RAP1A: variants seen among roughly 807,000 people sequenced by gnomAD.
The protein encoded by RAP1A is RAP1A, member of RAS oncogene family.
Under a neutral mutation model 26.4 loss-of-function variants are expected in RAP1A, and 6 were observed. That is an observed-to-expected ratio of 0.23 (90% confidence interval 0.12 to 0.45). The LOEUF is 0.45. RAP1A is among the 20% of genes least tolerant of loss of function. The pLI is 0.99. For missense variants in RAP1A, 121 were observed against 217.2 expected (o/e 0.56, Z 2.78); for synonymous variants, 73 against 79.4 (o/e 0.92, Z 0.43).
rs994763442 is a variant in RAP1A, at chr1:111,593,652, C to CTTTTTTT, written c.-28+51164_-28+51170dup. ...CTGGCAGCTTAAGTTATGACTCCTA[C>CTTTTTTT]TTTTTTTTTTTTTTTTTTTTTTTTT... On this transcript the variant is annotated intron_variant, in intron 1 of 7. Transcript: ENST00000356415. Among the ~76,000 whole-genome samples the CTTTTTTT allele has an allele frequency of 7.9e-3, 515 of 65,388 alleles. 60 individuals are homozygous for CTTTTTTT. Among genetic ancestry groups the CTTTTTTT allele is most frequent in the East Asian group, 0.032 (52 of 1,642 alleles). The allele number at this position is 65,388 out of a possible 152,430, so 42.9% of individuals were successfully genotyped here.
intron 1 of RAP1A, among the ~76,000 whole-genome samples, chr1:111,565,614 G>A (rs1172788144): frequency 1.3e-5 from 2 of 152,144 alleles, no homozygotes; most frequent in East Asian, 1.9e-4. Flanking sequence ...TATGGCTGGG[G>A]AACCAAATGT....
At chr1:111,600,192 A>AAT (rs1431616406) in intron 1 of RAP1A, 2 of 152,210 alleles carry the variant, frequency 1.3e-5, no homozygotes, top group Non-Finnish European at 2.9e-5. Flanking sequence ...ACAAAGACCA[A>AAT]ATATGTGTTT....
intron 2 of RAP1A, among the ~76,000 whole-genome samples, chr1:111,692,314 T>C (rs577374811): frequency 1.3e-5 from 2 of 152,262 alleles, no homozygotes; most frequent in South Asian, 4.1e-4. Flanking sequence ...AATTTTATGT[T>C]TGTGACATGT....
chr1:111,607,507 G>T (rs989434527), intron 1 of RAP1A, among the ~76,000 whole-genome samples: 1 of 152,156 alleles, frequency 6.6e-6, no homozygotes, highest in East Asian at 1.9e-4. Context: ...ATCATGGCCC[G>T]TTCTCAATGA....
At chr1:111,610,252 CT>C (rs1297413228) in intron 1 of RAP1A, among the ~76,000 whole-genome samples, 1 of 152,124 alleles carries the variant, frequency 6.6e-6, no homozygotes, top group Non-Finnish European at 1.5e-5. Context: ...TATTTTTCCC[CT>C]AATACAGTCT....
chr1:111,590,760 A>T (rs1193354368), intron 1 of RAP1A, among the ~76,000 whole-genome samples: 1 of 152,122 alleles, frequency 6.6e-6, no homozygotes, highest in Non-Finnish European at 1.5e-5. Flanking sequence ...ATAAGCCCAA[A>T]GGGATCACAA....
chr1:111,570,329 G>A lies in RAP1A; in HGVS notation c.-28+27820G>A, dbSNP rs114878115. 5.2e-3 allele frequency among the ~76,000 whole-genome samples: 786 copies of A among 152,308 alleles called. 9 individuals are homozygous for A. The highest frequency in any genetic ancestry group is 0.018 in the African/African-American group (738 of 41,570). On this transcript the variant is annotated intron_variant, in intron 1 of 7. Transcript: ENST00000356415. Reference sequence around the variant, plus strand: ...ATTTCAAGGTCAAACCAAGGTTGAAGGTTGGGCACCTATCAAAATGGCTTT... The same window carrying A: ...ATTTCAAGGTCAAACCAAGGTTGAAAGTTGGGCACCTATCAAAATGGCTTT...
At chr1:111,542,085 CTTTTT>C (rs35807618), upstream of RAP1A, 2 of 167,514 alleles carry the variant, frequency 1.2e-5, no homozygotes, top group Non-Finnish European at 1.3e-5. Context: ...TGCAAAGAAG[CTTTTT>C]TTTTTTTTTT....
intron 1 of RAP1A, among the ~76,000 whole-genome samples, chr1:111,578,191 T>C (rs1440913365): frequency 1.3e-5 from 2 of 152,042 alleles, no homozygotes; most frequent in African/African-American, 2.4e-5. Context: ...GTGTTGTGTG[T>C]GGGCACTCGG....
intron 1 of RAP1A, among the ~76,000 whole-genome samples, chr1:111,605,355 T>C (rs1293498959): frequency 1.3e-5 from 2 of 152,218 alleles, no homozygotes. Flanking sequence ...CAGGGCCTAA[T>C]GGTCTCAAAA....
At chr1:111,673,688 G>C (rs942164726) in intron 1 of RAP1A, among the ~76,000 whole-genome samples, 2 of 152,114 alleles carry the variant, frequency 1.3e-5, no homozygotes, top group Non-Finnish European at 2.9e-5. Context: ...GGGAGTGCAG[G>C]GCACAAGAGA....
chr1:111,644,428 A>G (rs1660002575), intron 1 of RAP1A, among the ~76,000 whole-genome samples: 2 of 152,108 alleles, frequency 1.3e-5, no homozygotes, highest in South Asian at 4.1e-4. Context: ...GCTTCCTCAC[A>G]TCACTCTAAG....
At chr1:111,704,788 A>G (rs748415560) in intron 6 of RAP1A, among the ~76,000 whole-genome samples, 18 of 152,256 alleles carry the variant, frequency 1.2e-4, no homozygotes, top group Non-Finnish European at 1.9e-4. Context: ...AAATTGTTAC[A>G]TCACCTTATA....
chr1:111,621,670 T>C (rs1339306452), intron 1 of RAP1A, among the ~76,000 whole-genome samples: 1 of 152,242 alleles, frequency 6.6e-6, no homozygotes, highest in Non-Finnish European at 1.5e-5. Flanking sequence ...CTTAACCTTT[T>C]CTAGGCCACT....
At chr1:111,657,466 G>T (rs139939658) in intron 1 of RAP1A, among the ~76,000 whole-genome samples, 1 of 152,138 alleles carries the variant, frequency 6.6e-6, no homozygotes, top group Admixed American at 6.5e-5. Flanking sequence ...TCAACCTGTA[G>T]TCCAATTTAT....
intron 1 of RAP1A, among the ~76,000 whole-genome samples, chr1:111,614,491 C>T (rs894531936): frequency 6.6e-6 from 1 of 152,202 alleles, no homozygotes. Flanking sequence ...AGTGTCTATG[C>T]TTTTCCTGTC....
chr1:111,652,812 G>T (rs1295575621), intron 1 of RAP1A, among the ~76,000 whole-genome samples: 2 of 152,118 alleles, frequency 1.3e-5, no homozygotes, highest in Non-Finnish European at 2.9e-5. Context: ...CAGTTTGGCA[G>T]TTCCTGAGAA....
At chr1:111,595,303 G>A (rs536652346) in intron 1 of RAP1A, among the ~76,000 whole-genome samples, 2 of 152,300 alleles carry the variant, frequency 1.3e-5, no homozygotes, top group Admixed American at 1.3e-4. Flanking sequence ...AGGACAATCA[G>A]AGGGAGGTAC....
chr1:111,620,053 C>T (rs1202608289), intron 1 of RAP1A, 119 bp downstream of exon 1: 1 of 393,888 alleles, frequency 2.5e-6, no homozygotes, highest in Non-Finnish European at 4.5e-6. Flanking sequence ...CCTTCCTCCT[C>T]CGCGTTCCAT....
Sources: allele counts gnomAD v4.1 joint callset (sites outside exome capture counted in the v4.1 genomes callset), GRCh38; gene constraint gnomAD v4.1.1; transcripts MANE v1.5; gene names NCBI Gene and HGNC (gene_info 2026-07-23, HGNC 2026-07-21).